Variants in SCUBE1 observed in about 807,000 individuals in gnomAD.
The protein encoded by SCUBE1 is signal peptide, CUB domain and EGF like domain containing 1, also known as signal peptide, CUB and EGF-like domain-containing protein 1.
A neutral mutation model predicts 124.4 loss-of-function variants in SCUBE1; 59 were observed. That is an observed-to-expected ratio of 0.47 (90% confidence interval 0.38 to 0.59). The LOEUF is 0.59. SCUBE1 is among the 20% of genes least tolerant of loss of function. SCUBE1 has a pLI of 0.00. For synonymous variants in SCUBE1, 545 were observed against 550.9 expected (o/e 0.99, Z 0.15); for missense variants, 1,150 against 1,371.2 (o/e 0.84, Z 2.55).
intron 3 of SCUBE1, among the ~76,000 whole-genome samples, chr22:43,306,467 T>C (rs976235679): frequency 6.6e-6 from 1 of 152,028 alleles, no homozygotes; most frequent in Non-Finnish European, 1.5e-5. Context: ...AGCCACCAAA[T>C]TGAGACCTAC....
At chr22:43,253,228 C>T (rs891035826) in intron 6 of SCUBE1, among the ~76,000 whole-genome samples, 3 of 152,178 alleles carry the variant, frequency 2.0e-5, no homozygotes, top group Admixed American at 6.5e-5. Flanking sequence ...GGCCTGAAGT[C>T]CAACAGGATC....
intron 12 of SCUBE1, 96 bp from the exon 13 acceptor site, chr22:43,221,385 C>A (rs1218809930): frequency 3.1e-6 from 2 of 636,542 alleles, no homozygotes; most frequent in East Asian, 5.7e-5. Flanking sequence ...CCATCTGGAG[C>A]TGGGGGTGGG....
chr22:43,252,610 AG>A (rs1238918903), intron 6 of SCUBE1, among the ~76,000 whole-genome samples: 3 of 152,170 alleles, frequency 2.0e-5, no homozygotes, highest in Admixed American at 1.3e-4. Context: ...GAACCCCGAA[AG>A]GGGCTCAGGC....
intron 16 of SCUBE1, chr22:43,212,802 C>T (rs948698482): frequency 6.2e-5 from 36 of 579,130 alleles, no homozygotes; most frequent in Middle Eastern, 9.1e-4. Flanking sequence ...GGTTCATGTG[C>T]GGCCTTGGTC....
intron 3 of SCUBE1, among the ~76,000 whole-genome samples, chr22:43,301,789 G>A (rs143164351): frequency 1.3e-5 from 2 of 152,334 alleles, no homozygotes; most frequent in Non-Finnish European, 2.9e-5. Context: ...AGTGCACGGG[G>A]CACATGATGT....
In SCUBE1 at chr22:43,303,107, C is replaced by T. The variant is rs537011013; in HGVS notation, c.350-11927G>A. ...ATTCCCAGCATCCATTTCCCAGCCT[C>T]GGTACCGTCGGAATTCTAACCTTCA... On this transcript the variant is annotated intron_variant, in intron 3 of 21. Coordinates refer to ENST00000360835, the MANE Select transcript of SCUBE1 (RefSeq NM_173050.5). 3.3e-5 allele frequency among the ~76,000 whole-genome samples: 5 copies of T among 152,360 alleles called. No individual in the cohort carries two copies. The East Asian group carries it at 5.8e-4, about 18-fold the overall frequency.
At chr22:43,329,998 G>T (rs1332323407) in intron 2 of SCUBE1, among the ~76,000 whole-genome samples, 1 of 152,002 alleles carries the variant, frequency 6.6e-6, no homozygotes, top group African/African-American at 2.4e-5. Flanking sequence ...TGGGGAGCTG[G>T]AGGACATGGA....
intron 3 of SCUBE1, among the ~76,000 whole-genome samples, chr22:43,310,264 T>C (rs1926123106): frequency 6.6e-6 from 1 of 152,072 alleles, no homozygotes; most frequent in African/African-American, 2.4e-5. Context: ...TAGACCTTCA[T>C]GTGGTACTTC....
At chr22:43,236,000 G>A (rs908545535) in intron 7 of SCUBE1, among the ~76,000 whole-genome samples, 2 of 152,082 alleles carry the variant, frequency 1.3e-5, no homozygotes, top group African/African-American at 2.4e-5. Flanking sequence ...CCACCTGCCC[G>A]GGGTTTGCAG....
At chr22:43,236,419 G>A (rs1307051885) in intron 7 of SCUBE1, among the ~76,000 whole-genome samples, 5 of 152,200 alleles carry the variant, frequency 3.3e-5, no homozygotes, top group Admixed American at 6.5e-5. Context: ...GCACTGCCAC[G>A]AGCCTGAGTG....
chr22:43,331,064 T>C (rs1926888257), intron 2 of SCUBE1, among the ~76,000 whole-genome samples: 2 of 152,220 alleles, frequency 1.3e-5, no homozygotes, highest in African/African-American at 4.8e-5. Flanking sequence ...AATAAGGTCA[T>C]GGACATTATT....
intron 2 of SCUBE1, among the ~76,000 whole-genome samples, chr22:43,337,932 C>G (rs982742727): frequency 4.6e-5 from 7 of 150,850 alleles, no homozygotes; most frequent in Non-Finnish European, 1.0e-4. Flanking sequence ...GTGGGAGTTA[C>G]AAGACCTGGA....
In SCUBE1 at chr22:43,291,052, A is replaced by G; in HGVS notation, c.478T>C (p.Ser160Pro). 6.2e-7 allele frequency: 1 copy of G among 1,607,954 alleles called. No homozygotes were observed. Among genetic ancestry groups the G allele is most frequent in the East Asian group, 2.2e-5 (1 of 44,736 alleles). Residue 160 changes from serine to proline, a missense_variant, in exon 4 of 22, where the codon TCC (serine) becomes CCC (proline). This residue lies in a region of SCUBE1 where 337 missense variants were observed against 482.1 expected (regional missense o/e 0.70). Transcript: ENST00000360835. ...CAGCATAGGCTGTACTCACCATTGG[A>G]GCGGTGGATGCAGGTATGCTGGTTG... The part of the protein sequence containing the change: ...SDNQHTCIHR[S>P]NEGMNCMNKD...
chr22:43,332,421 A>C lies in SCUBE1; in HGVS notation c.220+6683T>G, dbSNP rs147814459. On this transcript the variant is annotated intron_variant, in intron 2 of 21. Coordinates refer to ENST00000360835, the MANE Select transcript of SCUBE1 (RefSeq NM_173050.5). ...TCCCAGGTCCTGTCTCAGACCAGCC[A>C]GCAGCAGCAAGGGAGCGAGTCCGTG... Among the ~76,000 whole-genome samples the C allele has an allele frequency of 7.9e-5, 12 of 152,328 alleles. No homozygotes were observed. In the East Asian group the frequency reaches 2.3e-3, roughly 29 times the overall value.
At chr22:43,247,608 C>G (rs1923266888) in intron 6 of SCUBE1, among the ~76,000 whole-genome samples, 1 of 152,226 alleles carries the variant, frequency 6.6e-6, no homozygotes, top group Non-Finnish European at 1.5e-5. Context: ...ACTCCTCAGT[C>G]AAGTCAGGGC....
At chr22:43,248,666 CG>C (rs1342030845) in intron 6 of SCUBE1, among the ~76,000 whole-genome samples, 3 of 152,218 alleles carry the variant, frequency 2.0e-5, no homozygotes, top group African/African-American at 7.2e-5. Context: ...AGGGAGGCCA[CG>C]ACTTGAGAGG....
At chr22:43,325,765 AT>A (rs1385052689) in intron 2 of SCUBE1, among the ~76,000 whole-genome samples, 1 of 152,104 alleles carries the variant, frequency 6.6e-6, no homozygotes, top group Non-Finnish European at 1.5e-5. Context: ...AGCTCCCAGC[AT>A]CTAATAGAGC....
intron 1 of SCUBE1, 43 bp downstream of exon 1, chr22:43,343,131 A>G (rs2146810573): frequency 9.8e-7 from 1 of 1,020,006 alleles, no homozygotes; most frequent in East Asian, 5.2e-5. Context: ...CGGCCGCCCG[A>G]GCCCCCCGCG....
intron 2 of SCUBE1, among the ~76,000 whole-genome samples, chr22:43,338,683 G>A (rs993610614): frequency 1.3e-5 from 2 of 151,950 alleles, no homozygotes; most frequent in Admixed American, 6.6e-5. Flanking sequence ...GCACCACCAC[G>A]CTCGGCTAAC....
Sources: gnomAD v4.1 joint callset for allele counts (sites outside exome capture counted in the v4.1 genomes callset) on GRCh38, gnomAD v4.1.1 for gene constraint, gnomAD v4.1.1 regional missense constraint, MANE v1.5 for transcripts, NCBI Gene and HGNC (gene_info 2026-07-23, HGNC 2026-07-21) for gene names.